Variants in HYKK observed in about 807,000 individuals in gnomAD.
The protein encoded by HYKK is 5-hydroxy-L-lysine kinase.
A neutral mutation model predicts 29.7 loss-of-function variants in HYKK; 19 were observed. The observed-to-expected ratio is 0.64, with a 90% CI of 0.45 to 0.94. The LOEUF (loss-of-function observed/expected upper bound fraction) is 0.94, where lower values mean the gene tolerates loss of function less well. Among genes scored for constraint, HYKK ranks in the 40% least tolerant of loss-of-function variants. The pLI, the probability that HYKK is intolerant of heterozygous loss-of-function variation, is 0.00. For synonymous variants in HYKK, 152 were observed against 158.1 expected, an observed-to-expected ratio of 0.96 and a Z score of 0.29; for missense variants, 390 against 443.4, an observed-to-expected ratio of 0.88 and a Z score of 1.08.
At chr15:78,511,813 G>A (rs140618229) in intron 1 of HYKK, among the ~76,000 whole-genome samples, 189 of 152,122 alleles carry the variant, frequency 1.2e-3, no homozygotes, top group African/African-American at 4.3e-3. Flanking sequence ...TGGGAGGATC[G>A]CTTGAGACCA....
chr15:78,525,301 A>G (rs1328064107), intron 3 of HYKK, among the ~76,000 whole-genome samples: 4 of 150,930 alleles, frequency 2.7e-5, no homozygotes, highest in Admixed American at 1.3e-4. Flanking sequence ...GACTACAGGC[A>G]CCCGCCACCA....
chr15:78,533,226 T>C lies in HYKK; in HGVS notation c.678T>C (p.Asp226=). 1 of 1,603,346 alleles carries C rather than the reference T, an allele frequency of 6.2e-7. No individual in the cohort carries two copies. The change falls in exon 5 of 5, where the codon GAT becomes GAC. Residue 226 remains aspartate, a synonymous_variant. Coordinates refer to ENST00000388988, the MANE Select transcript of HYKK (RefSeq NM_001013619.4). ...TACTTTCAGGTATCAATCACGGAGATCTTAATGACCATAATATTTTAATAG... is the reference window on the plus strand; with the variant it reads ...TACTTTCAGGTATCAATCACGGAGACCTTAATGACCATAATATTTTAATAG... The part of the protein sequence containing the change: ...SHFRECINHG[D]LNDHNILIES...
intron 3 of HYKK, among the ~76,000 whole-genome samples, chr15:78,521,656 T>C (rs2052197738): frequency 6.6e-6 from 1 of 152,050 alleles, no homozygotes; most frequent in Non-Finnish European, 1.5e-5. Context: ...TTAACAAACA[T>C]GTATTGAGCA....
chr15:78,516,285 C>T (rs1443374750), intron 3 of HYKK, among the ~76,000 whole-genome samples: 1 of 149,664 alleles, frequency 6.7e-6, no homozygotes, highest in Non-Finnish European at 1.5e-5. Context: ...TCATAAAGGT[C>T]TTCATTGTCA....
intron 3 of HYKK, among the ~76,000 whole-genome samples, chr15:78,525,346 T>C (rs1011006517): frequency 2.0e-5 from 3 of 150,732 alleles, no homozygotes; most frequent in Non-Finnish European, 3.0e-5. Flanking sequence ...TTAGTAGAGA[T>C]GTGGTTTCAC....
At chr15:78,522,208 A>G (rs1368017669) in intron 3 of HYKK, among the ~76,000 whole-genome samples, 1 of 152,092 alleles carries the variant, frequency 6.6e-6, no homozygotes, top group Non-Finnish European at 1.5e-5. Context: ...CACCACCATC[A>G]TCTCCATTCC....
rs144467810 is a variant in HYKK at position 78,512,062 on chromosome 15, A to G, written c.-5-1022A>G. ...AAGCCCCTATTCCTCTCAGCAGTGG[A>G]AAACATATTCTTTACAATTTAAGGT... On this transcript the variant is annotated intron_variant, in intron 1 of 4. Coordinates refer to ENST00000388988, the MANE Select transcript of HYKK (RefSeq NM_001013619.4). 3.3e-5 allele frequency among the ~76,000 whole-genome samples: 5 copies of G among 152,330 alleles called. No homozygotes were observed. The East Asian group carries it at 9.6e-4, about 29-fold the overall frequency.
At chr15:78,522,558 CAA>C (rs746784955) in intron 3 of HYKK, among the ~76,000 whole-genome samples, 49 of 42,738 alleles carry the variant, frequency 1.1e-3, no homozygotes, top group Non-Finnish European at 1.9e-3. Flanking sequence ...GACTCCGTCT[CAA>C]AAAAAAAAAA....
intron 3 of HYKK, among the ~76,000 whole-genome samples, chr15:78,515,814 T>C (rs1245691226): frequency 6.6e-6 from 1 of 152,106 alleles, no homozygotes; most frequent in East Asian, 1.9e-4. Context: ...GGTCTCGATC[T>C]CCTGACCTCG....
chr15:78,537,213 ATCCATCCT>A (rs1012333942), downstream of HYKK: 17 of 493,296 alleles, frequency 3.4e-5, no homozygotes, highest in Middle Eastern at 3.0e-4. Context: ...TTATCTACCT[ATCCATCCT>A]TCCATCCCAT....
intron 3 of HYKK, among the ~76,000 whole-genome samples, chr15:78,517,113 T>TTTC (rs2052143973): frequency 2.9e-5 from 1 of 34,952 alleles, no homozygotes; most frequent in Admixed American, 4.7e-4. Context: ...TTCTTTCTTT[T>TTTC]TTTTTTTTTT....
intron 4 of HYKK, among the ~76,000 whole-genome samples, chr15:78,530,196 A>AT (rs1188496440): frequency 5.3e-4 from 35 of 65,834 alleles, no homozygotes; most frequent in African/African-American, 1.5e-3. Context: ...ACCATTATTT[A>AT]TTTATTTTTT....
chr15:78,528,099 T>C (rs2052276448), intron 4 of HYKK: 1 of 155,472 alleles, frequency 6.4e-6, no homozygotes, highest in Admixed American at 6.5e-5. Context: ...TATGCTGCAA[T>C]GAACCCTCTA....
At chr15:78,527,661 C>T (rs1478132957) in intron 4 of HYKK, 98 bp downstream of exon 4, 1 of 1,491,868 alleles carries the variant, frequency 6.7e-7, no homozygotes, top group East Asian at 2.4e-5. Flanking sequence ...TTTATCAAAT[C>T]TTAAAATTTT....
intron 4 of HYKK, among the ~76,000 whole-genome samples, chr15:78,529,473 A>G (rs1347116994): frequency 6.6e-6 from 1 of 152,320 alleles, no homozygotes; most frequent in Non-Finnish European, 1.5e-5. Flanking sequence ...GATAATAACA[A>G]TGTTTTCAAA....
At chr15:78,514,825 T>C (rs957406770) in intron 2 of HYKK, 143 bp from the exon 3 acceptor site, 6 of 326,946 alleles carry the variant, frequency 1.8e-5, no homozygotes, top group Non-Finnish European at 3.1e-5. Flanking sequence ...TGTTCTGTAA[T>C]TTCTGTTCTT....
rs1201902883 is a variant in HYKK, at chr15:78,515,029, C to T, written c.399C>T (p.Pro133=). 1 of 1,602,708 alleles carries T rather than the reference C, an allele frequency of 6.2e-7. No homozygotes were observed. Among genetic ancestry groups the T allele is most frequent in the Middle Eastern group, 1.7e-4 (1 of 6,012 alleles). Reference sequence around the variant, plus strand: ...TGCTGACTTACCTCCCAGGAAGACCCATCGCTGAGCTTCCCGTCAGCCCCC... The same window carrying T: ...TGCTGACTTACCTCCCAGGAAGACCTATCGCTGAGCTTCCCGTCAGCCCCC... ...VRLLTYLPGR[P]IAELPVSPQL... is the part of the protein sequence containing the mutation. The change falls in exon 3 of 5, where the codon CCC becomes CCT. Residue 133 remains proline (P), a synonymous_variant. Transcript: ENST00000388988.
intron 1 of HYKK, among the ~76,000 whole-genome samples, chr15:78,511,614 A>T (rs1378347845): frequency 6.6e-6 from 1 of 151,946 alleles, no homozygotes; most frequent in Non-Finnish European, 1.5e-5. Flanking sequence ...AGTCCCAGCC[A>T]CCTAGGAGGC....
intron 4 of HYKK, among the ~76,000 whole-genome samples, chr15:78,530,200 ATTTTTTTT>A (rs60803012): frequency 7.4e-6 from 1 of 135,200 alleles, no homozygotes. Flanking sequence ...TTATTTATTT[ATTTTTTTT>A]TTTTTTTTTT....
Sources: allele counts gnomAD v4.1 joint callset (sites outside exome capture counted in the v4.1 genomes callset), GRCh38; gene constraint gnomAD v4.1.1; transcripts MANE v1.5; gene names NCBI Gene and HGNC (gene_info 2026-07-23, HGNC 2026-07-21).